Variants in CACNA1C observed in about 807,000 individuals in gnomAD.
The protein encoded by CACNA1C is voltage-dependent L-type calcium channel subunit alpha-1C.
Under a neutral mutation model 229.0 loss-of-function variants are expected in CACNA1C, and 30 were observed. That is an observed-to-expected ratio of 0.13 (90% CI 0.10 to 0.18). The LOEUF (loss-of-function observed/expected upper bound fraction) is 0.18, where lower values mean the gene tolerates loss of function less well. Ranked by LOEUF, CACNA1C falls within the 10% of genes least tolerant of loss-of-function variation. CACNA1C has a pLI of 1.00. For synonymous variants in CACNA1C, 1,114 were observed against 1,132.5 expected, an observed-to-expected ratio of 0.98 and a Z score of 0.33; for missense variants, 1,658 against 2,845.0, an observed-to-expected ratio of 0.58 and a Z score of 9.49.
At chr12:2,423,450 C>A (rs147738868) in intron 3 of CACNA1C, among the ~76,000 whole-genome samples, 1,871 of 152,244 alleles carry the variant, frequency 0.012, 23 homozygotes, top group Non-Finnish European at 0.019. Flanking sequence ...TGTCTCAGTA[C>A]CTTCATCGGT....
At chr12:2,516,246 T>G (rs2099796551) in intron 9 of CACNA1C, among the ~76,000 whole-genome samples, 1 of 152,026 alleles carries the variant, frequency 6.6e-6, no homozygotes. Flanking sequence ...CGCTGATGAA[T>G]CCGGAGCTGA....
Position 2,691,140 on chromosome 12 carries a change from C to CG in CACNA1C, c.6362dup (p.Arg2122SerfsTer4). On this transcript the variant is annotated frameshift_variant, in exon 47 of 47. Coordinates refer to ENST00000399655, the MANE Select transcript of CACNA1C (RefSeq NM_000719.7). LOFTEE classifies it high-confidence loss of function. Reference sequence around the variant, plus strand: ...AGAGGACGCGGGCTGTGTGCGCGCGCGGGGTCGACCGAGTGAGGAGGAGCT... The same window carrying CG: ...AGAGGACGCGGGCTGTGTGCGCGCGCGGGGGTCGACCGAGTGAGGAGGAGCT... 1 of 1,605,962 alleles carries CG rather than the reference C, an allele frequency of 6.2e-7. No individual in the cohort carries two copies. Among genetic ancestry groups the CG allele is most frequent in the Non-Finnish European group, 8.5e-7 (1 of 1,174,238 alleles).
At chr12:2,224,893 A>G (rs541230004) in intron 3 of CACNA1C, among the ~76,000 whole-genome samples, 1 of 152,336 alleles carries the variant, frequency 6.6e-6, no homozygotes, top group Non-Finnish European at 1.5e-5. Flanking sequence ...TATGTACCTT[A>G]GCCAACTGTT....
intron 1 of CACNA1C, among the ~76,000 whole-genome samples, chr12:2,072,196 C>CA (rs200113313): frequency 6.8e-6 from 1 of 146,422 alleles, no homozygotes; most frequent in African/African-American, 2.6e-5. Context: ...TATATATATA[C>CA]AAAAAATATA....
At chr12:2,560,380 T>TA (rs2046808113) in intron 11 of CACNA1C, among the ~76,000 whole-genome samples, 1 of 152,222 alleles carries the variant, frequency 6.6e-6, no homozygotes, top group Non-Finnish European at 1.5e-5. Flanking sequence ...ACGGTTTCTT[T>TA]AAAGAACTGT....
At chr12:2,117,894 G>A (rs1208746353) in intron 2 of CACNA1C, among the ~76,000 whole-genome samples, 1 of 152,192 alleles carries the variant, frequency 6.6e-6, no homozygotes, top group African/African-American at 2.4e-5. Context: ...AAGACTGGCT[G>A]GACAGGGAAG....
intron 3 of CACNA1C, among the ~76,000 whole-genome samples, chr12:2,436,877 G>A (rs1377751927): frequency 6.6e-6 from 1 of 152,190 alleles, no homozygotes; most frequent in Admixed American, 6.5e-5. Context: ...CAGGACCTCA[G>A]TTTTTCCCAC....
intron 3 of CACNA1C, among the ~76,000 whole-genome samples, chr12:2,323,221 C>T (rs1398493498): frequency 6.6e-6 from 1 of 152,172 alleles, no homozygotes; most frequent in South Asian, 2.1e-4. Context: ...TAATTCACAA[C>T]CCTAAGGAAA....
At chr12:2,377,624 C>G (rs1400346261) in intron 3 of CACNA1C, among the ~76,000 whole-genome samples, 1 of 152,178 alleles carries the variant, frequency 6.6e-6, no homozygotes, top group Non-Finnish European at 1.5e-5. Context: ...GCCACAGGTA[C>G]TGAGCATTGA....
At chr12:2,586,072 A>G (rs2062325733) in intron 18 of CACNA1C, among the ~76,000 whole-genome samples, 168 bp downstream of exon 18, 1 of 152,210 alleles carries the variant, frequency 6.6e-6, no homozygotes, top group African/African-American at 2.4e-5. Flanking sequence ...ATCATCAGTC[A>G]GCATCTGGGA....
intron 3 of CACNA1C, among the ~76,000 whole-genome samples, chr12:2,177,469 C>T (rs979708249): frequency 3.4e-4 from 51 of 152,074 alleles, no homozygotes; most frequent in Admixed American, 1.1e-3. Context: ...CTCTCCCTTT[C>T]TTTCTTTCTC....
chr12:2,688,530 A>G lies in CACNA1C; in HGVS notation c.5868A>G (p.Pro1956=). The G allele has an allele frequency of 6.2e-7, 1 of 1,613,876 alleles. No homozygotes were observed. The highest frequency in any genetic ancestry group is 8.5e-7 in the Non-Finnish European group (1 of 1,179,860). Residue 1956 remains proline, a synonymous_variant, in exon 46 of 47, where the codon CCA becomes CCG. Coordinates refer to ENST00000399655, the MANE Select transcript of CACNA1C (RefSeq NM_000719.7). The stretch of plus-strand genomic sequence containing the variant: ...TCCCTAGGCCTTTTGCCACCCCACC[A>G]GCCACACCTGGCAGCCGAGGCTGGC... The part of the protein sequence containing the change: ...ASFPRPFATP[P]ATPGSRGWPP...
chr12:2,109,786 A>C (rs551540289), intron 1 of CACNA1C, among the ~76,000 whole-genome samples: 7 of 152,156 alleles, frequency 4.6e-5, no homozygotes, highest in Non-Finnish European at 7.4e-5. Flanking sequence ...CTGGACTAGG[A>C]TGGAGATCTT....
chr12:2,211,775 A>G (rs1260016315), intron 3 of CACNA1C, among the ~76,000 whole-genome samples: 1 of 145,556 alleles, frequency 6.9e-6, no homozygotes, highest in Non-Finnish European at 1.5e-5. Context: ...CTAGAGTGCA[A>G]TGGCATGGTC....
In CACNA1C at chr12:2,665,042, G is replaced by A. The variant is rs541258241; in HGVS notation, c.4398+52G>A. 6.9e-6 allele frequency: 11 copies of A among 1,594,538 alleles called. No individual in the cohort carries two copies. In the East Asian group the frequency reaches 2.5e-4, roughly 36 times the overall value. On this transcript the variant is annotated intron_variant, in intron 35 of 46. Coordinates refer to ENST00000399655, the MANE Select transcript of CACNA1C (RefSeq NM_000719.7). The surrounding 1 kb of genome is among the most constrained non-coding windows in gnomAD (Gnocchi z 5.9). ...AGCAGCCATGACTGCCCAGTTCCAG[G>A]GCAGTCTGAACCGTCCATCTCTGCA...
chr12:2,411,971 G>C (rs1306417459), intron 3 of CACNA1C, among the ~76,000 whole-genome samples: 1 of 152,160 alleles, frequency 6.6e-6, no homozygotes, highest in African/African-American at 2.4e-5. Flanking sequence ...CTGTCCTGTG[G>C]AGCCAGGAAG....
At chr12:2,014,859 C>T (rs554458535) in intron 1 of CACNA1C, among the ~76,000 whole-genome samples, 1 of 152,334 alleles carries the variant, frequency 6.6e-6, no homozygotes, top group East Asian at 1.9e-4. Context: ...CTAAAGCCAC[C>T]TTGTCCCCAC....
At chr12:2,059,635 C>T (rs1041165284) in intron 1 of CACNA1C, among the ~76,000 whole-genome samples, 4 of 152,014 alleles carry the variant, frequency 2.6e-5, no homozygotes, top group African/African-American at 9.7e-5. Context: ...GGCTCTGGTT[C>T]GTTAAAGGGT....
intron 3 of CACNA1C, among the ~76,000 whole-genome samples, chr12:2,147,595 G>C (rs147969510): frequency 2.0e-5 from 3 of 151,220 alleles, no homozygotes; most frequent in African/African-American, 7.3e-5. Flanking sequence ...AGAGTGGAGA[G>C]AGTAAAGATT....
Sources: gnomAD v4.1 joint callset for allele counts (sites outside exome capture counted in the v4.1 genomes callset) on GRCh38, gnomAD v4.1.1 for gene constraint, Gnocchi (gnomAD v3.1) non-coding constraint, MANE v1.5 for transcripts, NCBI Gene and HGNC (gene_info 2026-07-23, HGNC 2026-07-21) for gene names.